PTPRG: variants seen among roughly 807,000 people sequenced by gnomAD.
The protein encoded by PTPRG is receptor-type tyrosine-protein phosphatase gamma.
PTPRG carries 102 observed loss-of-function variants against 165.3 expected under a neutral mutation model. That is an observed-to-expected ratio of 0.62 (90% CI 0.53 to 0.73). The LOEUF (loss-of-function observed/expected upper bound fraction) is 0.73. PTPRG is among the 30% of genes least tolerant of loss of function. The pLI, the probability that PTPRG is intolerant of heterozygous loss-of-function variation, is 0.00. For synonymous variants in PTPRG, 675 were observed against 669.5 expected, an observed-to-expected ratio of 1.01 and a Z score of -0.13; for missense variants, 1,866 against 1,861.4, an observed-to-expected ratio of 1.00 and a Z score of -0.05.
At chr3:61,879,827 A>G (rs58238626) in intron 2 of PTPRG, among the ~76,000 whole-genome samples, 23,765 of 152,070 alleles carry the variant, frequency 0.16, 1,860 homozygotes, top group Middle Eastern at 0.19. Context: ...TCCTTCTACT[A>G]TCTGTATGTA....
intron 7 of PTPRG, among the ~76,000 whole-genome samples, chr3:62,161,911 T>G (rs1704780200): frequency 6.6e-6 from 1 of 152,232 alleles, no homozygotes; most frequent in African/African-American, 2.4e-5. Flanking sequence ...ATAATCTCCA[T>G]GACCTTAGGT....
chr3:62,101,939 A>G (rs4688286), intron 5 of PTPRG, among the ~76,000 whole-genome samples: 1 of 152,132 alleles, frequency 6.6e-6, no homozygotes, highest in East Asian at 1.9e-4. Context: ...ATCTCTCCTG[A>G]TGTAAGCCAA....
chr3:62,103,142 A>G (rs950785145), intron 5 of PTPRG, among the ~76,000 whole-genome samples: 1 of 148,446 alleles, frequency 6.7e-6, no homozygotes, highest in African/African-American at 2.5e-5. Context: ...TTCCTCATCA[A>G]GTTTTTTTTT....
At chr3:62,201,359 T>C in intron 10 of PTPRG, 146 bp from the exon 11 acceptor site, 1 of 664,962 alleles carries the variant, frequency 1.5e-6, no homozygotes. Flanking sequence ...AAGGGCTTTA[T>C]ATTTTTAAAT....
chr3:61,632,177 G>A (rs949559075), intron 1 of PTPRG, among the ~76,000 whole-genome samples: 12 of 152,128 alleles, frequency 7.9e-5, no homozygotes, highest in Non-Finnish European at 1.3e-4. Context: ...GTATGGTGGC[G>A]TGTGTCTGTA....
intron 2 of PTPRG, among the ~76,000 whole-genome samples, chr3:61,972,406 G>A (rs192442857): frequency 1.8e-4 from 28 of 151,690 alleles, no homozygotes; most frequent in South Asian, 8.3e-4. Flanking sequence ...GCTGTTGGGG[G>A]GTTTCATGCA....
intron 2 of PTPRG, among the ~76,000 whole-genome samples, chr3:61,903,891 G>T (rs190154099): frequency 6.6e-6 from 1 of 152,100 alleles, no homozygotes; most frequent in Non-Finnish European, 1.5e-5. Context: ...AATTAAGCAC[G>T]GATGGCTCTT....
chr3:61,663,262 C>A (rs1480551540), intron 1 of PTPRG, among the ~76,000 whole-genome samples: 1 of 152,194 alleles, frequency 6.6e-6, no homozygotes, highest in Non-Finnish European at 1.5e-5. Flanking sequence ...ATTGTAATCT[C>A]CATGAAGGTA....
intron 1 of PTPRG, among the ~76,000 whole-genome samples, chr3:61,664,684 A>G (rs1469784639): frequency 6.6e-6 from 1 of 152,160 alleles, no homozygotes; most frequent in Non-Finnish European, 1.5e-5. Flanking sequence ...TACAAAAATT[A>G]GTCAGGTGTG....
chr3:62,148,363 G>T (rs529905529), intron 6 of PTPRG, among the ~76,000 whole-genome samples: 18 of 152,206 alleles, frequency 1.2e-4, no homozygotes, highest in South Asian at 4.2e-4. Flanking sequence ...GGTCATGTCG[G>T]GCCCCATGGC....
chr3:62,145,543 G>C (rs999716636), intron 6 of PTPRG, among the ~76,000 whole-genome samples: 22 of 130,364 alleles, frequency 1.7e-4, no homozygotes, highest in African/African-American at 9.4e-4. Context: ...TGATGAAGAT[G>C]ATGATGATGA....
chr3:62,282,850 C>T lies in PTPRG; in HGVS notation c.4036C>T (p.Pro1346Ser), dbSNP rs1276426897. ...GGAAGAGGCCTTAACAAGGGATGGTCCCACCATTGTTCATGATGAGTATGT... is the reference window on the plus strand; with the variant it reads ...GGAAGAGGCCTTAACAAGGGATGGTTCCACCATTGTTCATGATGAGTATGT... ...IKEEALTRDGPTIVHDEYGAV... is the reference protein window; with the variant it reads ...IKEEALTRDGSTIVHDEYGAV... The change falls in exon 28 of 30, where the codon CCC becomes TCC. Residue 1346 changes from proline to serine, a missense_variant. Coordinates refer to ENST00000474889, the MANE Select transcript of PTPRG (RefSeq NM_002841.4). 17 of 1,609,508 alleles carry T rather than the reference C, an allele frequency of 1.1e-5. No homozygotes were observed. The highest frequency in any genetic ancestry group is 1.4e-5 in the Non-Finnish European group (16 of 1,177,396).
chr3:61,861,154 A>T (rs1258733194), intron 2 of PTPRG, among the ~76,000 whole-genome samples: 5 of 152,320 alleles, frequency 3.3e-5, no homozygotes, highest in African/African-American at 9.6e-5. Context: ...TTTATTGCCA[A>T]TTTTTAAAAA....
At chr3:62,000,527 T>C (rs1021609853) in intron 3 of PTPRG, among the ~76,000 whole-genome samples, 1 of 152,144 alleles carries the variant, frequency 6.6e-6, no homozygotes, top group Admixed American at 6.5e-5. Context: ...GGCATGCAAA[T>C]GTTTACATAT....
chr3:62,027,614 A>G (rs1699606843), intron 4 of PTPRG, among the ~76,000 whole-genome samples: 1 of 152,154 alleles, frequency 6.6e-6, no homozygotes, highest in East Asian at 1.9e-4. Flanking sequence ...TCGAGTGCCA[A>G]CTCATATTTT....
intron 2 of PTPRG, among the ~76,000 whole-genome samples, chr3:61,904,910 C>CTT (rs5849449): frequency 2.1e-4 from 31 of 146,406 alleles, no homozygotes; most frequent in East Asian, 1.8e-3. Flanking sequence ...ATTGGAAAGC[C>CTT]TTTTTTTTTT....
intron 1 of PTPRG, among the ~76,000 whole-genome samples, chr3:61,690,308 C>T (rs1041848163): frequency 6.6e-6 from 1 of 152,172 alleles, no homozygotes; most frequent in Non-Finnish European, 1.5e-5. Context: ...ATGGCAAAGA[C>T]CCCCTAAGGA....
intron 1 of PTPRG, among the ~76,000 whole-genome samples, chr3:61,700,069 T>C (rs2106700047): frequency 6.6e-6 from 1 of 152,242 alleles, no homozygotes; most frequent in East Asian, 1.9e-4. Context: ...CCTCTTGGAA[T>C]TGATCCTTAT....
chr3:61,668,840 A>C, intron 1 of PTPRG, among the ~76,000 whole-genome samples: 1 of 152,128 alleles, frequency 6.6e-6, no homozygotes, highest in East Asian at 1.9e-4. Flanking sequence ...TAAGGCTGTC[A>C]TTTCTTAGGA....
Sources: gnomAD v4.1 joint callset for allele counts (sites outside exome capture counted in the v4.1 genomes callset) on GRCh38, gnomAD v4.1.1 for gene constraint, MANE v1.5 for transcripts, NCBI Gene and HGNC (gene_info 2026-07-23, HGNC 2026-07-21) for gene names.